TSPAN5: variants seen among roughly 807,000 people sequenced by gnomAD.
TSPAN5 encodes the protein tetraspanin-5.
Under a neutral mutation model 37.1 loss-of-function variants are expected in TSPAN5, and 10 were observed. That is an observed-to-expected ratio of 0.27 (90% CI 0.17 to 0.46). The LOEUF is 0.46. Among genes scored for constraint, TSPAN5 ranks in the 20% least tolerant of loss-of-function variants. The pLI is 1.00. For missense variants in TSPAN5, 195 were observed against 326.6 expected, an observed-to-expected ratio of 0.60 and a Z score of 3.11; for synonymous variants, 110 against 118.9, an observed-to-expected ratio of 0.93 and a Z score of 0.48.
chr4:98,610,039 C>T (rs1756144605), intron 1 of TSPAN5, among the ~76,000 whole-genome samples: 1 of 152,248 alleles, frequency 6.6e-6, no homozygotes, highest in African/African-American at 2.4e-5. Flanking sequence ...CGGGCCTAGA[C>T]AGCCTTCTCT....
chr4:98,605,383 G>T (rs1033483968), intron 1 of TSPAN5, among the ~76,000 whole-genome samples: 1 of 152,160 alleles, frequency 6.6e-6, no homozygotes, highest in Non-Finnish European at 1.5e-5. Context: ...CAAAGTTGGT[G>T]CCAGAACTGT....
chr4:98,628,315 A>T (rs1378160880), intron 1 of TSPAN5, among the ~76,000 whole-genome samples: 1 of 152,178 alleles, frequency 6.6e-6, no homozygotes, highest in Non-Finnish European at 1.5e-5. Context: ...TTTGAAGGAC[A>T]TGTCTAGATA....
At chr4:98,547,703 A>G (rs1754499784) in intron 1 of TSPAN5, among the ~76,000 whole-genome samples, 1 of 152,016 alleles carries the variant, frequency 6.6e-6, no homozygotes. Context: ...ACACATCCTT[A>G]CTCAGGAAAA....
chr4:98,491,045 A>C (rs1279993092), intron 2 of TSPAN5, among the ~76,000 whole-genome samples: 1 of 152,004 alleles, frequency 6.6e-6, no homozygotes, highest in African/African-American at 2.4e-5. Context: ...CTGGGTGACA[A>C]AGCGAGACTC....
intron 1 of TSPAN5, among the ~76,000 whole-genome samples, chr4:98,565,511 T>C (rs903905447): frequency 4.6e-5 from 7 of 152,176 alleles, no homozygotes; most frequent in African/African-American, 1.4e-4. Flanking sequence ...CATATACAAA[T>C]TTCCTAAATT....
At chr4:98,602,623 G>C (rs1233781594) in intron 1 of TSPAN5, among the ~76,000 whole-genome samples, 2 of 152,152 alleles carry the variant, frequency 1.3e-5, no homozygotes, top group African/African-American at 4.8e-5. Flanking sequence ...ACCCTCATTT[G>C]AAGTGTTCTG....
intron 1 of TSPAN5, among the ~76,000 whole-genome samples, chr4:98,649,409 G>A (rs1393812409): frequency 6.6e-6 from 1 of 152,102 alleles, no homozygotes; most frequent in Non-Finnish European, 1.5e-5. Context: ...TTAACTGGAG[G>A]GTTAGGGCTT....
intron 1 of TSPAN5, among the ~76,000 whole-genome samples, chr4:98,567,318 T>C (rs936532423): frequency 6.6e-6 from 1 of 152,158 alleles, no homozygotes; most frequent in Non-Finnish European, 1.5e-5. Context: ...ATAAACACTG[T>C]TTTTAACACA....
chr4:98,565,897 C>T (rs537232575), intron 1 of TSPAN5, among the ~76,000 whole-genome samples: 40 of 152,308 alleles, frequency 2.6e-4, no homozygotes, highest in East Asian at 9.7e-4. Flanking sequence ...TCTCTGTGAG[C>T]CATGTTATGC....
intron 1 of TSPAN5, among the ~76,000 whole-genome samples, chr4:98,643,506 A>G (rs1757001322): frequency 6.6e-6 from 1 of 152,216 alleles, no homozygotes; most frequent in African/African-American, 2.4e-5. Context: ...AGTGGAATAC[A>G]TATGTATATA....
chr4:98,497,474 T>C (rs1193152446), intron 2 of TSPAN5, among the ~76,000 whole-genome samples: 2 of 152,080 alleles, frequency 1.3e-5, no homozygotes, highest in Non-Finnish European at 2.9e-5. Context: ...CCTGGCGAAC[T>C]GTGAGAGAGA....
At chr4:98,625,177 G>A (rs953593136) in intron 1 of TSPAN5, among the ~76,000 whole-genome samples, 4 of 152,184 alleles carry the variant, frequency 2.6e-5, no homozygotes. Context: ...TTACTGGAAC[G>A]CTAAGCATGT....
chr4:98,619,375 T>G (rs931556138), intron 1 of TSPAN5, among the ~76,000 whole-genome samples: 1 of 152,190 alleles, frequency 6.6e-6, no homozygotes, highest in African/African-American at 2.4e-5. Flanking sequence ...ATCATGAGCA[T>G]GAAACAATAA....
At chr4:98,576,697 G>A (rs796069475) in intron 1 of TSPAN5, among the ~76,000 whole-genome samples, 7 of 152,178 alleles carry the variant, frequency 4.6e-5, no homozygotes, top group African/African-American at 1.7e-4. Context: ...GCAAGACCCT[G>A]TCTCAAAAAA....
intron 3 of TSPAN5, chr4:98,485,202 A>G (rs1458167678): frequency 6.6e-6 from 1 of 152,576 alleles, no homozygotes; most frequent in Non-Finnish European, 1.5e-5. Context: ...CCAGGACCCA[A>G]TCAGGCTACA....
intron 1 of TSPAN5, among the ~76,000 whole-genome samples, chr4:98,567,809 G>A (rs950948407): frequency 2.6e-5 from 4 of 152,148 alleles, no homozygotes; most frequent in Non-Finnish European, 5.9e-5. Context: ...CGGTGGTGGC[G>A]GGGCGGGGGG....
At chr4:98,646,634 C>T (rs922226011) in intron 1 of TSPAN5, among the ~76,000 whole-genome samples, 3 of 152,142 alleles carry the variant, frequency 2.0e-5, no homozygotes. Flanking sequence ...GGTCTGGTAT[C>T]CACGATAAGA....
intron 2 of TSPAN5, among the ~76,000 whole-genome samples, chr4:98,489,385 T>C (rs897550353): frequency 7.2e-5 from 11 of 152,112 alleles, no homozygotes; most frequent in African/African-American, 2.7e-4. Context: ...AATTGTCAAA[T>C]CATATATCGC....
rs114552137 is a variant in TSPAN5, at chr4:98,520,499, G to A, written c.82-12771C>T. ...TATCTGGAAATATCCGTTACCTTAC[G>A]TAGGAGACAAAAGGGAGGCAGTGTT... On this transcript the variant is annotated intron_variant, in intron 1 of 7. Coordinates refer to ENST00000305798, the MANE Select transcript of TSPAN5 (RefSeq NM_005723.4). 2.8e-3 allele frequency among the ~76,000 whole-genome samples: 421 copies of A among 152,264 alleles called. 1 individual carries two copies. The highest frequency in any genetic ancestry group is 9.6e-3 in the African/African-American group (401 of 41,566).
Sources: gnomAD v4.1 joint callset for allele counts (sites outside exome capture counted in the v4.1 genomes callset) on GRCh38, gnomAD v4.1.1 for gene constraint, MANE v1.5 for transcripts, NCBI Gene and HGNC (gene_info 2026-07-23, HGNC 2026-07-21) for gene names.